Variants in THADA observed in about 807,000 individuals in gnomAD.
The protein encoded by THADA is THADA armadillo repeat containing, also known as tRNA (32-2'-O)-methyltransferase regulator THADA.
THADA carries 213 observed loss-of-function variants against 219.8 expected under a neutral mutation model. The ratio of observed to expected loss-of-function variants is 0.97; its 90% CI spans 0.87 to 1.09. THADA has a LOEUF of 1.09. THADA is among the 50% of genes least tolerant of loss of function. The pLI, the probability that THADA is intolerant of heterozygous loss-of-function variation, is 0.00. For missense variants in THADA, 2,956 were observed against 2,311.3 expected (o/e 1.28, Z -5.72); for synonymous variants, 1,018 against 828.9 (o/e 1.23, Z -3.92).
chr2:43,570,080 G>A (rs1159173615), intron 14 of THADA, among the ~76,000 whole-genome samples: 2 of 152,198 alleles, frequency 1.3e-5, no homozygotes, highest in African/African-American at 4.8e-5. Context: ...GAGAGGGACA[G>A]AGTTCAGTAC....
intron 26 of THADA, among the ~76,000 whole-genome samples, chr2:43,434,258 T>C (rs975511373): frequency 6.6e-6 from 1 of 152,208 alleles, no homozygotes; most frequent in Admixed American, 6.5e-5. Flanking sequence ...TGGTAACTGA[T>C]TATCCACACA....
chr2:43,292,808 G>T (rs1674891162), intron 32 of THADA, 26 bp downstream of exon 32: 2 of 1,597,492 alleles, frequency 1.3e-6, no homozygotes, highest in African/African-American at 2.7e-5. Flanking sequence ...AGTGTAAAGG[G>T]CCAGTCAGTA....
intron 15 of THADA, among the ~76,000 whole-genome samples, chr2:43,561,704 A>C (rs1698082942): frequency 6.6e-6 from 1 of 152,012 alleles, no homozygotes; most frequent in Non-Finnish European, 1.5e-5. Flanking sequence ...CTCTGCTCAG[A>C]TTTGCTTCTT....
intron 36 of THADA, among the ~76,000 whole-genome samples, chr2:43,240,410 C>T (rs954029259): frequency 2.6e-5 from 4 of 152,210 alleles, no homozygotes; most frequent in Non-Finnish European, 5.9e-5. Flanking sequence ...TTCCCCTTAG[C>T]AGGGGAAGAG....
At chr2:43,458,257 G>C (rs973533878) in intron 26 of THADA, among the ~76,000 whole-genome samples, 1 of 152,142 alleles carries the variant, frequency 6.6e-6, no homozygotes, top group Non-Finnish European at 1.5e-5. Context: ...TGACCTAAAA[G>C]ATATGACTCA....
At chr2:43,279,978 A>G (rs1572891234) in intron 35 of THADA, 82 bp from the exon 36 acceptor site, 2 of 1,317,038 alleles carry the variant, frequency 1.5e-6, no homozygotes, top group East Asian at 5.8e-5. Flanking sequence ...CCCTGGTGGA[A>G]GAGAGGAGCA....
chr2:43,543,444 C>G (rs577081395), intron 20 of THADA, among the ~76,000 whole-genome samples: 124 of 151,234 alleles, frequency 8.2e-4, no homozygotes, highest in East Asian at 4.5e-3. Flanking sequence ...CCTGAGGAAT[C>G]GCCACACTGA....
chr2:43,397,287 T>C (rs1008438311), intron 29 of THADA, among the ~76,000 whole-genome samples: 1 of 152,196 alleles, frequency 6.6e-6, no homozygotes, highest in Non-Finnish European at 1.5e-5. Context: ...CCTAACCGCA[T>C]GCCTATATGA....
At chr2:43,392,787 T>C (rs1673545361) in intron 29 of THADA, among the ~76,000 whole-genome samples, 1 of 152,218 alleles carries the variant, frequency 6.6e-6, no homozygotes, top group South Asian at 2.1e-4. Flanking sequence ...GTTACTCATA[T>C]GATCCCTGGT....
At chr2:43,333,058 A>G (rs1665967959) in intron 30 of THADA, 1 of 152,228 alleles carries the variant, frequency 6.6e-6, no homozygotes, top group Admixed American at 6.5e-5. Flanking sequence ...AATACTTCAT[A>G]TATTTTCAAA....
chr2:43,463,211 C>T (rs1683840994), intron 26 of THADA: 1 of 152,060 alleles, frequency 6.6e-6, no homozygotes, highest in African/African-American at 2.4e-5. Context: ...GACTTGGTTC[C>T]CTTAAGATGT....
chr2:43,515,009 A>ATTT (rs1691192874), intron 22 of THADA, among the ~76,000 whole-genome samples: 1 of 53,516 alleles, frequency 1.9e-5, no homozygotes, highest in Non-Finnish European at 3.1e-5. Context: ...AATATTATAT[A>ATTT]TATTATATAT....
At chr2:43,294,460 A>G (rs75481321) in intron 31 of THADA, among the ~76,000 whole-genome samples, 1 of 152,212 alleles carries the variant, frequency 6.6e-6, no homozygotes, top group East Asian at 1.9e-4. Flanking sequence ...AGAACGGACC[A>G]TGTGGGGAAC....
chr2:43,522,219 A>T (rs1207755622), intron 22 of THADA, among the ~76,000 whole-genome samples: 1 of 152,234 alleles, frequency 6.6e-6, no homozygotes, highest in East Asian at 1.9e-4. Context: ...AAGCACCAGG[A>T]AACTTTAAGC....
At chr2:43,420,296 T>C (rs565777977) in intron 28 of THADA, among the ~76,000 whole-genome samples, 35 of 152,374 alleles carry the variant, frequency 2.3e-4, no homozygotes, top group African/African-American at 8.2e-4. Context: ...TTCACAAGCA[T>C]GTATTTTACC....
At chr2:43,394,503 T>C (rs1455050750) in intron 29 of THADA, among the ~76,000 whole-genome samples, 3 of 152,280 alleles carry the variant, frequency 2.0e-5, no homozygotes, top group African/African-American at 7.2e-5. Flanking sequence ...CAACTTTATA[T>C]TTATTTAGCT....
chr2:43,268,674 G>A (rs183486412), intron 36 of THADA, among the ~76,000 whole-genome samples: 25 of 152,288 alleles, frequency 1.6e-4, no homozygotes, highest in African/African-American at 5.8e-4. Flanking sequence ...GTGAGGGAGG[G>A]GTCGCCACCG....
chr2:43,293,017 G>GA lies in THADA; in HGVS notation c.4634dup (p.Ser1546LeufsTer10). 6.2e-7 allele frequency: 1 copy of GA among 1,614,026 alleles called. No individual in the cohort carries two copies. Among genetic ancestry groups the GA allele is most frequent in the Non-Finnish European group, 8.5e-7 (1 of 1,179,896 alleles). On this transcript the variant is annotated frameshift_variant, in exon 32 of 38. Transcript: ENST00000405975. LOFTEE classifies it high-confidence loss of function. ...GGAAGGCAGATTCTAACAGCTGAGAGAAAGAGATGGGGACATTCGTCTCCC... is the reference window on the plus strand; with the variant it reads ...GGAAGGCAGATTCTAACAGCTGAGAGAAAAGAGATGGGGACATTCGTCTCCC...
At chr2:43,357,668 T>A (rs760223104) in intron 29 of THADA, among the ~76,000 whole-genome samples, 10 of 152,184 alleles carry the variant, frequency 6.6e-5, no homozygotes, top group Non-Finnish European at 1.3e-4. Flanking sequence ...CCTACATATA[T>A]CCTGTCATGT....
Sources: gnomAD v4.1 joint callset for allele counts (sites outside exome capture counted in the v4.1 genomes callset) on GRCh38, gnomAD v4.1.1 for gene constraint, MANE v1.5 for transcripts, NCBI Gene and HGNC (gene_info 2026-07-23, HGNC 2026-07-21) for gene names.